Variants in PLXDC2 observed in about 807,000 individuals in gnomAD.
The protein encoded by PLXDC2 is plexin domain-containing protein 2.
In PLXDC2, 40 loss-of-function variants were observed where a neutral mutation model predicts 68.9. That is an observed-to-expected ratio of 0.58 (90% CI 0.45 to 0.76). PLXDC2 has a LOEUF of 0.76. PLXDC2 is among the 30% of genes least tolerant of loss of function. The probability of loss-of-function intolerance (pLI) is 0.00; values close to 1 mark genes in which losing one functional copy is unlikely to be tolerated. For synonymous variants in PLXDC2, 243 were observed against 234.2 expected, an observed-to-expected ratio of 1.04 and a Z score of -0.34; for missense variants, 644 against 661.9, an observed-to-expected ratio of 0.97 and a Z score of 0.30.
At chr10:19,933,731 T>C (rs1833678303) in intron 1 of PLXDC2, among the ~76,000 whole-genome samples, 1 of 150,534 alleles carries the variant, frequency 6.6e-6, no homozygotes, top group Admixed American at 6.6e-5. Flanking sequence ...AAGGAAAAGA[T>C]AAGTTCTTTC....
intron 4 of PLXDC2, among the ~76,000 whole-genome samples, chr10:20,079,929 A>G (rs1460640508): frequency 6.6e-6 from 1 of 152,182 alleles, no homozygotes; most frequent in Non-Finnish European, 1.5e-5. Context: ...CCGCACATGT[A>G]TTCCAGAACT....
intron 12 of PLXDC2, among the ~76,000 whole-genome samples, chr10:20,231,488 T>G (rs1316640226): frequency 1.3e-5 from 2 of 151,632 alleles, no homozygotes; most frequent in Non-Finnish European, 2.9e-5. Context: ...AAAACTCATG[T>G]GTTCAATTTA....
chr10:20,172,414 C>T (rs946412300), intron 7 of PLXDC2, among the ~76,000 whole-genome samples: 8 of 152,144 alleles, frequency 5.3e-5, no homozygotes, highest in African/African-American at 1.9e-4. Flanking sequence ...ACCTGCCTCA[C>T]CGGCCCACTG....
At chr10:19,867,497 C>T (rs1371747918) in intron 1 of PLXDC2, among the ~76,000 whole-genome samples, 3 of 152,146 alleles carry the variant, frequency 2.0e-5, no homozygotes, top group Admixed American at 6.5e-5. Context: ...AGCCAAACAT[C>T]GGGTAACTTT....
chr10:19,842,113 C>CA (rs1476614914), intron 1 of PLXDC2, among the ~76,000 whole-genome samples: 9 of 151,950 alleles, frequency 5.9e-5, no homozygotes, highest in Non-Finnish European at 1.0e-4. Flanking sequence ...CTCATCTCTA[C>CA]AAAAAATTTA....
In PLXDC2 at chr10:20,177,083, C is replaced by A; in HGVS notation, c.968C>A (p.Thr323Asn). 2 of 1,605,036 alleles carry A rather than the reference C, an allele frequency of 1.2e-6. No homozygotes were observed. Among genetic ancestry groups the A allele is most frequent in the Non-Finnish European group, 1.7e-6 (2 of 1,172,890 alleles). ...ACCAACATTTCGGCTGTGGAGATGA[C>A]CCCATTACCCAGTAAGCGAATATGT... The part of the protein sequence containing the change: ...KITNISAVEM[T>N]PLPTCLQFNR... Residue 323 changes from threonine (T) to asparagine (N), a missense_variant, in exon 8 of 14, where the codon ACC becomes AAC. Physicochemically the swap from Thr to Asn is moderately conservative, Grantham distance 65. Transcript: ENST00000377252.
rs533525240 is a variant in PLXDC2 at position 20,056,473 on chromosome 10, T to C, written c.471+9458T>C. ...AATTCCTTAAGCCCACCTAATATGC[T>C]GAAGTTAACCAACTCCTTTTACTGA... On this transcript the variant is annotated intron_variant, in intron 3 of 13. Coordinates refer to ENST00000377252, the MANE Select transcript of PLXDC2 (RefSeq NM_032812.9). Among the ~76,000 whole-genome samples the C allele has an allele frequency of 2.6e-5, 4 of 152,320 alleles. No homozygotes were observed. In the East Asian group the frequency reaches 7.7e-4, roughly 29 times the overall value.
At chr10:19,961,257 T>C (rs1564640088) in intron 1 of PLXDC2, among the ~76,000 whole-genome samples, 1 of 152,246 alleles carries the variant, frequency 6.6e-6, no homozygotes, top group East Asian at 1.9e-4. Flanking sequence ...ATAGAAGTCA[T>C]TGATTCTCCC....
intron 1 of PLXDC2, among the ~76,000 whole-genome samples, chr10:19,947,388 C>T (rs1418129496): frequency 6.6e-6 from 1 of 152,198 alleles, no homozygotes; most frequent in Non-Finnish European, 1.5e-5. Flanking sequence ...AGAGCCCAGG[C>T]TATCAGGTTT....
intron 1 of PLXDC2, among the ~76,000 whole-genome samples, chr10:19,875,149 T>C (rs1363751111): frequency 1.3e-5 from 2 of 152,224 alleles, no homozygotes; most frequent in Admixed American, 1.3e-4. Flanking sequence ...GTTAGCCTTA[T>C]AATGCTTACT....
At chr10:20,115,061 T>C (rs1199004232) in intron 4 of PLXDC2, among the ~76,000 whole-genome samples, 1 of 152,210 alleles carries the variant, frequency 6.6e-6, no homozygotes, top group Non-Finnish European at 1.5e-5. Flanking sequence ...TACAGTTGTT[T>C]CCTGAATGGC....
chr10:20,037,098 C>T (rs1027664978), intron 2 of PLXDC2, among the ~76,000 whole-genome samples: 1 of 152,170 alleles, frequency 6.6e-6, no homozygotes, highest in Non-Finnish European at 1.5e-5. Context: ...AGATCTAGTT[C>T]AACTCCTTCC....
At chr10:19,944,474 A>C (rs1204824237) in intron 1 of PLXDC2, among the ~76,000 whole-genome samples, 1 of 152,150 alleles carries the variant, frequency 6.6e-6, no homozygotes, top group African/African-American at 2.4e-5. Context: ...CATGTTTGTT[A>C]AAAGAAAAAC....
At chr10:20,028,141 A>G (rs1020388619) in intron 2 of PLXDC2, among the ~76,000 whole-genome samples, 2 of 152,176 alleles carry the variant, frequency 1.3e-5, no homozygotes, top group African/African-American at 2.4e-5. Context: ...ATTTCAGCTA[A>G]TTGGTGTTAC....
At chr10:19,839,635 GTT>G (rs1554838987) in intron 1 of PLXDC2, among the ~76,000 whole-genome samples, 1 of 147,292 alleles carries the variant, frequency 6.8e-6, no homozygotes, top group African/African-American at 2.5e-5. Context: ...ACATGTTGGT[GTT>G]TTTTTTTTTT....
Position 20,287,989 on chromosome 10 carries a change from G to GGGGGGGA in PLXDC2, c.*8176_*8177insAGGGGGG. 1 of 4,306 alleles carries GGGGGGGA rather than the reference G, an allele frequency of 2.3e-4. No homozygotes were observed. Among genetic ancestry groups the GGGGGGGA allele is most frequent in the African/African-American group, 4.5e-4 (1 of 2,234 alleles). 0.3% of individuals were successfully genotyped at this position (4,306 alleles called of 1,614,324 possible). A position where few individuals can be genotyped will look rare whatever the true frequency, so the allele number is the denominator to read the frequency against. Reference sequence around the variant, plus strand: ...GGGCACTTCTTGCGGCGGGGGAGGGGGGGGGGGCGGTGGCTTTCCAGATTT... The same window carrying GGGGGGGA: ...GGGCACTTCTTGCGGCGGGGGAGGGGGGGGGGAGGGGGGGCGGTGGCTTTCCAGATTT... On this transcript the variant is annotated 3_prime_UTR_variant, in exon 14 of 14. Coordinates refer to ENST00000377252, the MANE Select transcript of PLXDC2 (RefSeq NM_032812.9).
intron 12 of PLXDC2, among the ~76,000 whole-genome samples, chr10:20,222,566 C>G (rs551848477): frequency 1.1e-4 from 17 of 152,240 alleles, no homozygotes; most frequent in African/African-American, 4.1e-4. Flanking sequence ...TCTAAGCTCT[C>G]TAAATAATCT....
At chr10:19,905,422 T>A (rs1833138578) in intron 1 of PLXDC2, among the ~76,000 whole-genome samples, 1 of 152,204 alleles carries the variant, frequency 6.6e-6, no homozygotes. Context: ...TAACTGGGTT[T>A]TTGATAGACT....
At chr10:19,817,226 G>T (rs1456859196) in intron 1 of PLXDC2, 35 bp downstream of exon 1, 1 of 1,519,670 alleles carries the variant, frequency 6.6e-7, no homozygotes, top group Non-Finnish European at 8.9e-7. Flanking sequence ...CTGATTTTGT[G>T]CGCAGCTGAA....
Sources: gnomAD v4.1 joint callset for allele counts (sites outside exome capture counted in the v4.1 genomes callset) on GRCh38, gnomAD v4.1.1 for gene constraint, MANE v1.5 for transcripts, NCBI Gene and HGNC (gene_info 2026-07-23, HGNC 2026-07-21) for gene names.